HOPX: variants seen among roughly 807,000 people sequenced by gnomAD.
HOPX encodes homeodomain-only protein.
In HOPX, 5 loss-of-function variants were observed where a neutral mutation model predicts 11.8. The ratio of observed to expected loss-of-function variants is 0.43; its 90% CI spans 0.22 to 0.89. The LOEUF is 0.89. Ranked by LOEUF, HOPX falls within the 40% of genes least tolerant of loss-of-function variation. The pLI is 0.28. For missense variants in HOPX, 119 were observed against 120.0 expected (o/e 0.99, Z 0.04); for synonymous variants, 49 against 49.7 (o/e 0.99, Z 0.06).
intron 1 of HOPX, chr4:56,663,930 A>G (rs1718290499): frequency 1.3e-5 from 2 of 152,190 alleles, no homozygotes; most frequent in African/African-American, 4.8e-5. Flanking sequence ...ATGAAATTGG[A>G]ATTAATGTAG....
chr4:56,672,042 G>A (rs925622880), intron 1 of HOPX, among the ~76,000 whole-genome samples: 7 of 151,980 alleles, frequency 4.6e-5, no homozygotes, highest in Non-Finnish European at 1.0e-4. Context: ...TTCTAATCTA[G>A]CTTTCCCAGT....
intron 3 of HOPX, among the ~76,000 whole-genome samples, chr4:56,655,344 C>T (rs1717582204): frequency 6.6e-6 from 1 of 152,178 alleles, no homozygotes; most frequent in Admixed American, 6.5e-5. Context: ...TGACAGCGCC[C>T]TCCCTCCCGG....
chr4:56,679,520 C>T (rs1241528636), intron 1 of HOPX: 1 of 151,510 alleles, frequency 6.6e-6, no homozygotes, highest in Non-Finnish European at 1.5e-5. Context: ...CTCTGTCGCC[C>T]AGGCTGGAGC....
At chr4:56,675,357 A>T (rs1293776784) in intron 1 of HOPX, among the ~76,000 whole-genome samples, 1 of 151,606 alleles carries the variant, frequency 6.6e-6, no homozygotes, top group African/African-American at 2.4e-5. Flanking sequence ...GATTGTACTC[A>T]TAGGTAACCA....
chr4:56,664,387 C>T (rs1031708177), intron 1 of HOPX: 1 of 151,812 alleles, frequency 6.6e-6, no homozygotes, highest in South Asian at 2.1e-4. Flanking sequence ...CCACCCACCT[C>T]AGCCTCCCAA....
At position 56,676,211 on chromosome 4, in the gene HOPX, T is replaced by C. The variant is rs956722290; in HGVS notation, c.-84+5044A>G. Reference sequence around the variant, plus strand: ...TACTCTAGAGGCTGAGGTGGGAGGATTGCTTGAGCCTGGGAGGTGGAGGGT... The same window carrying C: ...TACTCTAGAGGCTGAGGTGGGAGGACTGCTTGAGCCTGGGAGGTGGAGGGT... On this transcript the variant is annotated intron_variant, in intron 1 of 3. Transcript: ENST00000420433. Among the ~76,000 whole-genome samples, 5 of 151,586 alleles carry C rather than the reference T, an allele frequency of 3.3e-5. No individual in the cohort carries two copies. The East Asian group carries it at 9.6e-4, about 29-fold the overall frequency.
intron 1 of HOPX, among the ~76,000 whole-genome samples, chr4:56,668,531 G>GC (rs1243232636): frequency 6.6e-6 from 1 of 152,180 alleles, no homozygotes. Flanking sequence ...TAGAGAAGCA[G>GC]AAATAATGTG....
chr4:56,667,099 C>T (rs747100625), intron 1 of HOPX, among the ~76,000 whole-genome samples: 8 of 152,180 alleles, frequency 5.3e-5, no homozygotes, highest in South Asian at 2.1e-4. Context: ...ACAACTTCAA[C>T]GTGTCCAGGT....
At chr4:56,654,618 T>C (rs1408921282) in intron 3 of HOPX, among the ~76,000 whole-genome samples, 1 of 152,202 alleles carries the variant, frequency 6.6e-6, no homozygotes, top group Non-Finnish European at 1.5e-5. Context: ...AAAATAGATA[T>C]GTTTGCCTTT....
chr4:56,666,949 G>A (rs1718471700), intron 1 of HOPX, among the ~76,000 whole-genome samples: 1 of 152,112 alleles, frequency 6.6e-6, no homozygotes, highest in Non-Finnish European at 1.5e-5. Flanking sequence ...AAATATCCTG[G>A]TGAAATTTAA....
intron 1 of HOPX, chr4:56,680,144 G>A (rs1160710333): frequency 6.6e-6 from 1 of 152,110 alleles, no homozygotes; most frequent in African/African-American, 2.4e-5. Context: ...ATAATAATAA[G>A]CATATGAGCT....
At chr4:56,650,370 C>G (rs1717042427) in intron 3 of HOPX, 1 of 232,106 alleles carries the variant, frequency 4.3e-6, no homozygotes, top group East Asian at 1.1e-4. Context: ...CTCTAGAGGG[C>G]TCCCCACATA....
At chr4:56,652,783 G>A (rs1250388817) in intron 3 of HOPX, among the ~76,000 whole-genome samples, 1 of 151,986 alleles carries the variant, frequency 6.6e-6, no homozygotes, top group African/African-American at 2.4e-5. Context: ...TCGTGCCACT[G>A]TACTCCAGCC....
intron 1 of HOPX, chr4:56,665,419 C>T (rs2109520305): frequency 6.6e-6 from 1 of 152,308 alleles, no homozygotes; most frequent in South Asian, 2.1e-4. Flanking sequence ...TTGAACAGAA[C>T]CTAAACAATG....
chr4:56,656,484 GC>G, intron 2 of HOPX: 3 of 984,626 alleles, frequency 3.0e-6, no homozygotes, highest in Non-Finnish European at 3.6e-6. Context: ...TCCGCGACTA[GC>G]CGGCCTCCGG....
At chr4:56,664,105 T>C (rs1417779091) in intron 1 of HOPX, 6 of 152,082 alleles carry the variant, frequency 3.9e-5, no homozygotes, top group African/African-American at 1.4e-4. Flanking sequence ...GGAACATGTC[T>C]CTCAACTGTA....
rs567622984 is a variant in HOPX at position 56,672,053 on chromosome 4, G to C, written c.-84+9202C>G. On this transcript the variant is annotated intron_variant, in intron 1 of 3. Transcript: ENST00000420433. ...AAGGTTCTAATCTAGCTTTCCCAGT[G>C]ACTCAGGATATAATTGGGCAACAAA... Among the ~76,000 whole-genome samples the C allele has an allele frequency of 4.6e-5, 7 of 152,114 alleles. No homozygotes were observed. In the South Asian group the frequency reaches 1.4e-3, roughly 32 times the overall value.
intron 1 of HOPX, chr4:56,665,835 G>A (rs1718404211): frequency 6.6e-6 from 1 of 152,104 alleles, no homozygotes; most frequent in South Asian, 2.1e-4. Flanking sequence ...AATCTAGTAT[G>A]TGACAGAGCA....
In HOPX at chr4:56,648,741, C is replaced by T; in HGVS notation, c.255G>A (p.Glu85=). The T allele has an allele frequency of 6.2e-7, 1 of 1,610,630 alleles. No homozygotes were observed. The highest frequency in any genetic ancestry group is 8.5e-7 in the Non-Finnish European group (1 of 1,177,130). ...KWRRSEGLPS[E]CRSVTD ...CTCCTTAGTCTGTGACGGATCTGCACTCTGAGGGCAGGCCTTCTGAGCGCC... is the reference window on the plus strand; with the variant it reads ...CTCCTTAGTCTGTGACGGATCTGCATTCTGAGGGCAGGCCTTCTGAGCGCC... Residue 85 remains glutamate, a synonymous_variant, in exon 4 of 4, where the codon GAG becomes GAA. Coordinates refer to ENST00000420433, the MANE Select transcript of HOPX (RefSeq NM_032495.6).
Sources: allele counts gnomAD v4.1 joint callset (sites outside exome capture counted in the v4.1 genomes callset), GRCh38; gene constraint gnomAD v4.1.1; transcripts MANE v1.5; gene names NCBI Gene and HGNC (gene_info 2026-07-23, HGNC 2026-07-21).